The following MAGI2 variants were observed in gnomAD, a reference collection of about 807,000 sequenced individuals.
The protein encoded by MAGI2 is membrane-associated guanylate kinase, WW and PDZ domain-containing protein 2.
A neutral mutation model predicts 133.3 loss-of-function variants in MAGI2; 35 were observed. That is an observed-to-expected ratio of 0.26 (90% CI 0.20 to 0.35). The LOEUF is 0.35. Ranked by LOEUF, MAGI2 falls within the 10% of genes least tolerant of loss-of-function variation. MAGI2 has a pLI of 1.00. For missense variants in MAGI2, 1,636 were observed against 1,863.4 expected (o/e 0.88, Z 2.25); for synonymous variants, 729 against 710.6 (o/e 1.03, Z -0.41).
intron 3 of MAGI2, among the ~76,000 whole-genome samples, chr7:78,535,013 A>G (rs1363838878): frequency 2.0e-5 from 3 of 152,108 alleles, no homozygotes; most frequent in Admixed American, 6.5e-5. Context: ...GGCACTTGTA[A>G]TCCCAGCTAC....
At chr7:79,071,256 G>A (rs758922374) in intron 1 of MAGI2, among the ~76,000 whole-genome samples, 1 of 152,174 alleles carries the variant, frequency 6.6e-6, no homozygotes, top group Non-Finnish European at 1.5e-5. Context: ...GACCCTGTTT[G>A]CCTGGGTATC....
intron 1 of MAGI2, among the ~76,000 whole-genome samples, chr7:79,180,499 T>C (rs28789371): frequency 5.3e-5 from 8 of 152,010 alleles, no homozygotes; most frequent in African/African-American, 1.9e-4. Flanking sequence ...ATGAGACTTA[T>C]TCACCATCAT....
chr7:78,221,006 C>A (rs879828357), intron 10 of MAGI2, among the ~76,000 whole-genome samples: 2 of 152,176 alleles, frequency 1.3e-5, no homozygotes, highest in Admixed American at 6.5e-5. Context: ...GGCTACCGTA[C>A]CTGTACTGAG....
rs753931186 is a variant in MAGI2, at chr7:79,130,498, G to A, written c.302-123292C>T. Among the ~76,000 whole-genome samples the A allele has an allele frequency of 5.9e-5, 9 of 152,096 alleles. 1 individual carries two copies. The highest frequency in any genetic ancestry group is 4.6e-4 in the Admixed American group (7 of 15,256). ...TTTGTGCACTGCATAAGGATGCCGC[G>A]GCTAAGAAGCACCCACGCATTCACA... On this transcript the variant is annotated intron_variant, in intron 1 of 21. Coordinates refer to ENST00000354212, the MANE Select transcript of MAGI2 (RefSeq NM_012301.4).
chr7:79,017,708 C>T (rs753943271), intron 1 of MAGI2, among the ~76,000 whole-genome samples: 1 of 152,142 alleles, frequency 6.6e-6, no homozygotes, highest in Non-Finnish European at 1.5e-5. Context: ...AGTATAGGAA[C>T]TGATAGACAA....
chr7:78,833,505 C>A (rs906258264), intron 2 of MAGI2, among the ~76,000 whole-genome samples: 11 of 152,160 alleles, frequency 7.2e-5, no homozygotes, highest in African/African-American at 2.4e-4. Flanking sequence ...AAGAGCCCCG[C>A]TGTATTGCGG....
At chr7:78,389,604 T>C (rs1362330599) in intron 6 of MAGI2, among the ~76,000 whole-genome samples, 1 of 152,212 alleles carries the variant, frequency 6.6e-6, no homozygotes, top group Non-Finnish European at 1.5e-5. Context: ...CACGGAATTT[T>C]GGCTTCCTGT....
intron 20 of MAGI2, among the ~76,000 whole-genome samples, chr7:78,114,922 G>A (rs1416393708): frequency 1.3e-5 from 2 of 152,256 alleles, no homozygotes; most frequent in Non-Finnish European, 2.9e-5. Context: ...CACACTGTGA[G>A]AGGGGGCAAC....
chr7:79,199,366 T>C (rs893797039), intron 1 of MAGI2, among the ~76,000 whole-genome samples: 2 of 152,004 alleles, frequency 1.3e-5, no homozygotes, highest in African/African-American at 2.4e-5. Flanking sequence ...GATTATACAA[T>C]TGCTAAACGT....
rs184476896 is a variant in MAGI2, at chr7:78,213,762, C to T, written c.2048-12569G>A. Reference sequence around the variant, plus strand: ...TGTCCATAAATCTTTGTCGATCATGCGACAGTGTTGGGGTGTCTATGAACC... The same window carrying T: ...TGTCCATAAATCTTTGTCGATCATGTGACAGTGTTGGGGTGTCTATGAACC... On this transcript the variant is annotated intron_variant, in intron 10 of 21. Coordinates refer to ENST00000354212, the MANE Select transcript of MAGI2 (RefSeq NM_012301.4). 4.0e-3 allele frequency among the ~76,000 whole-genome samples: 610 copies of T among 152,310 alleles called. 3 individuals are homozygous for T. The highest frequency in any genetic ancestry group is 6.1e-3 in the Non-Finnish European group (417 of 68,020).
chr7:79,425,746 G>C (rs1296307834), intron 1 of MAGI2, among the ~76,000 whole-genome samples: 3 of 151,464 alleles, frequency 2.0e-5, no homozygotes, highest in Non-Finnish European at 4.4e-5. Flanking sequence ...TCGTGTTTAC[G>C]AGTGACACAT....
chr7:79,296,699 T>C (rs1836956008), intron 1 of MAGI2, among the ~76,000 whole-genome samples: 1 of 151,414 alleles, frequency 6.6e-6, no homozygotes, highest in East Asian at 1.9e-4. Flanking sequence ...TAGTAGAGAG[T>C]AGAATGGTGG....
chr7:78,765,156 C>T (rs1824885507), intron 2 of MAGI2, among the ~76,000 whole-genome samples: 1 of 152,076 alleles, frequency 6.6e-6, no homozygotes, highest in Non-Finnish European at 1.5e-5. Context: ...ATGGAAAATC[C>T]TGACAGAAGG....
At chr7:78,309,982 G>C (rs1268820709) in intron 9 of MAGI2, among the ~76,000 whole-genome samples, 1 of 152,064 alleles carries the variant, frequency 6.6e-6, no homozygotes, top group Non-Finnish European at 1.5e-5. Context: ...AGCAACATTG[G>C]CCCTTTTGTA....
chr7:78,675,677 G>T (rs1033597345), intron 2 of MAGI2, among the ~76,000 whole-genome samples: 1 of 152,106 alleles, frequency 6.6e-6, no homozygotes, highest in Non-Finnish European at 1.5e-5. Flanking sequence ...CACAGATGAG[G>T]TAATATAAAT....
At chr7:79,102,671 C>T (rs1055700973) in intron 1 of MAGI2, among the ~76,000 whole-genome samples, 1 of 152,096 alleles carries the variant, frequency 6.6e-6, no homozygotes, top group Non-Finnish European at 1.5e-5. Flanking sequence ...TTTTAAAAAC[C>T]TGATCATTTG....
chr7:79,387,130 T>G (rs1456881301), intron 1 of MAGI2, among the ~76,000 whole-genome samples: 2 of 64,280 alleles, frequency 3.1e-5, no homozygotes, highest in African/African-American at 9.7e-5. Context: ...GTGTGTGTGT[T>G]AACATTAACT....
chr7:79,270,080 C>T (rs542063441), intron 1 of MAGI2, among the ~76,000 whole-genome samples: 153 of 152,212 alleles, frequency 1.0e-3, no homozygotes, highest in Non-Finnish European at 1.9e-3. Flanking sequence ...GGGCCTATGA[C>T]GCATGACTCA....
intron 1 of MAGI2, among the ~76,000 whole-genome samples, chr7:79,277,565 A>C (rs1172385902): frequency 6.6e-6 from 1 of 152,140 alleles, no homozygotes. Flanking sequence ...GCTACATGCT[A>C]TAATGATACA....
Sources: gnomAD v4.1 joint callset for allele counts (sites outside exome capture counted in the v4.1 genomes callset) on GRCh38, gnomAD v4.1.1 for gene constraint, MANE v1.5 for transcripts, NCBI Gene and HGNC (gene_info 2026-07-23, HGNC 2026-07-21) for gene names.